The following NPAT variants were observed in gnomAD, a reference collection of about 807,000 sequenced individuals.
The protein encoded by NPAT is protein NPAT.
A neutral mutation model predicts 130.7 loss-of-function variants in NPAT; 52 were observed. The observed-to-expected ratio is 0.40, with a 90% CI of 0.32 to 0.50. The LOEUF is 0.50. Among genes scored for constraint, NPAT ranks in the 20% least tolerant of loss-of-function variants. The pLI, the probability that NPAT is intolerant of heterozygous loss-of-function variation, is 0.68. For synonymous variants in NPAT, 580 were observed against 584.8 expected, an observed-to-expected ratio of 0.99 and a Z score of 0.12; for missense variants, 1,687 against 1,662.6, an observed-to-expected ratio of 1.01 and a Z score of -0.26.
In NPAT at chr11:108,169,799, G is replaced by A. The variant is rs1476891637; in HGVS notation, c.2955C>T (p.Phe985=). 10 of 1,614,030 alleles carry A rather than the reference G, an allele frequency of 6.2e-6. No homozygotes were observed. The highest frequency in any genetic ancestry group is 8.5e-6 in the Non-Finnish European group (10 of 1,179,892). ...APVCNRSIPQ[F]PVPPKSQKAQ... is the part of the protein sequence containing the mutation. ...CCTTCTGAGATTTTGGAGGGACGGG[G>A]AATTGAGGGATACTTCTATTGCATA... Residue 985 remains phenylalanine (F), a synonymous_variant, in exon 15 of 18, where the codon TTC becomes TTT. Coordinates refer to ENST00000278612, the MANE Select transcript of NPAT (RefSeq NM_002519.3).
chr11:108,206,840 C>G (rs1434666979), intron 1 of NPAT, among the ~76,000 whole-genome samples: 1 of 152,218 alleles, frequency 6.6e-6, no homozygotes, highest in Non-Finnish European at 1.5e-5. Flanking sequence ...GACAGAACAG[C>G]CCTCAGGAGA....
rs550137144 is a variant in NPAT, at chr11:108,173,962, C to G, written c.1133-111G>C. 8.7e-5 allele frequency: 79 copies of G among 905,332 alleles called. No individual in the cohort carries two copies. The Middle Eastern group carries it at 1.3e-3, about 15-fold the overall frequency. 56.1% of individuals were successfully genotyped at this position (905,332 alleles called of 1,614,324 possible). A position where few individuals can be genotyped will look rare whatever the true frequency, so the allele number is the denominator to read the frequency against. ...AAGAAAATAACTCATCTTTGCATAC[C>G]AGTAAGTGGAAGTCTGATACGCTGT... is the stretch of plus-strand genomic sequence containing the variant. On this transcript the variant is annotated intron_variant, in intron 12 of 17. Coordinates refer to ENST00000278612, the MANE Select transcript of NPAT (RefSeq NM_002519.3).
chr11:108,189,003 G>A (rs2078136173), intron 6 of NPAT, 103 bp downstream of exon 6: 2 of 888,540 alleles, frequency 2.3e-6, no homozygotes, highest in Non-Finnish European at 3.7e-6. Flanking sequence ...CTTTTATGGG[G>A]GGGGCCATAA....
At chr11:108,201,055 C>T (rs1405386034) in intron 1 of NPAT, among the ~76,000 whole-genome samples, 1 of 152,188 alleles carries the variant, frequency 6.6e-6, no homozygotes, top group Non-Finnish European at 1.5e-5. Flanking sequence ...ATGTAGATGA[C>T]ATTCTCCTTT....
intron 1 of NPAT, among the ~76,000 whole-genome samples, chr11:108,200,789 C>G (rs1374054538): frequency 6.6e-6 from 1 of 152,164 alleles, no homozygotes; most frequent in Non-Finnish European, 1.5e-5. Flanking sequence ...GGCTGTGGTT[C>G]CAATCCATAT....
rs1443620268 is a variant in NPAT, at chr11:108,161,315, A to G, written c.3771T>C (p.Ser1257=). Residue 1257 remains serine, a synonymous_variant, in exon 17 of 18, where the codon AGT becomes AGC. Transcript: ENST00000278612. ...GTAAATCACTACTATCAGCAAGCCT[A>G]CTTACTGAGCTGTGCCTCTGTATAT... is the stretch of plus-strand genomic sequence containing the variant. ...LQDIQRHSSV[S]RLADSSDLPV... is the part of the protein sequence containing the mutation. 6.2e-7 allele frequency: 1 copy of G among 1,614,122 alleles called. No homozygotes were observed. The highest frequency in any genetic ancestry group is 1.1e-5 in the South Asian group (1 of 91,088).
At chr11:108,183,381 C>A (rs2078075534) in intron 10 of NPAT, among the ~76,000 whole-genome samples, 1 of 152,284 alleles carries the variant, frequency 6.6e-6, no homozygotes, top group East Asian at 1.9e-4. Flanking sequence ...AATGGCTTTA[C>A]TCAGAATTCA....
chr11:108,199,681 C>T (rs747502941), intron 1 of NPAT, among the ~76,000 whole-genome samples: 1 of 152,166 alleles, frequency 6.6e-6, no homozygotes, highest in Non-Finnish European at 1.5e-5. Flanking sequence ...CCATCACCCT[C>T]GGGTACTGGG....
At chr11:108,209,527 G>A (rs995810961) in intron 1 of NPAT, among the ~76,000 whole-genome samples, 2 of 152,084 alleles carry the variant, frequency 1.3e-5, no homozygotes, top group African/African-American at 4.8e-5. Context: ...ACTCTAGCAT[G>A]GGCAACAGAC....
rs762699683 is a variant in NPAT at position 108,161,902 on chromosome 11, G to A, written c.3184C>T (p.Arg1062Cys). The stretch of plus-strand genomic sequence containing the variant: ...GTAGTGCTGTCGAAACAGAGTACAC[G>A]TCTGTGGCATGGTTTAGCAGCTGGA... ...IVPAAKPCHR[R>C]VLCFDSTTAP... Residue 1062 changes from arginine to cysteine, a missense_variant, in exon 17 of 18, where the codon CGT (arginine) becomes TGT (cysteine). Coordinates refer to ENST00000278612, the MANE Select transcript of NPAT (RefSeq NM_002519.3). 83 of 1,612,780 alleles carry A rather than the reference G, an allele frequency of 5.1e-5. No homozygotes were observed. The highest frequency in any genetic ancestry group is 6.6e-5 in the Non-Finnish European group (78 of 1,179,318).
chr11:108,203,135 T>A (rs1434665984), intron 1 of NPAT, among the ~76,000 whole-genome samples: 2 of 152,212 alleles, frequency 1.3e-5, no homozygotes, highest in African/African-American at 2.4e-5. Flanking sequence ...CCCTACTACA[T>A]GTCAGAAACA....
At chr11:108,201,653 T>G (rs1253245511) in intron 1 of NPAT, among the ~76,000 whole-genome samples, 1 of 152,214 alleles carries the variant, frequency 6.6e-6, no homozygotes, top group African/African-American at 2.4e-5. Flanking sequence ...CAGAGGCCAC[T>G]AAGGTGACCA....
intron 1 of NPAT, among the ~76,000 whole-genome samples, chr11:108,212,714 G>A (rs1388911011): frequency 1.3e-5 from 2 of 151,698 alleles, no homozygotes; most frequent in Admixed American, 1.3e-4. Context: ...GGAGGCCAAG[G>A]CAGGCAGATT....
rs1391187579 is a variant in NPAT, at chr11:108,161,308, C to G, written c.3778G>C (p.Ala1260Pro). The G allele has an allele frequency of 6.2e-7, 1 of 1,614,164 alleles. No individual in the cohort carries two copies. Among genetic ancestry groups the G allele is most frequent in the South Asian group, 1.1e-5 (1 of 91,088 alleles). Residue 1260 changes from alanine to proline, a missense_variant, in exon 17 of 18, where the codon GCT becomes CCT. Physicochemically the swap from Ala to Pro is conservative, Grantham distance 27. Around this residue, in one of 3 missense-constraint regions of NPAT, gnomAD observed 1,379 missense variants for 1,346.6 expected, o/e 1.02. Coordinates refer to ENST00000278612, the MANE Select transcript of NPAT (RefSeq NM_002519.3). The part of the protein sequence containing the change: ...IQRHSSVSRL[A>P]DSSDLPVPRT... ...GGCACAGGTAAATCACTACTATCAG[C>G]AAGCCTACTTACTGAGCTGTGCCTC...
chr11:108,169,637 C>G (rs1300320098), intron 15 of NPAT, 107 bp downstream of exon 15: 1 of 832,684 alleles, frequency 1.2e-6, no homozygotes. Context: ...AGGGTGATCA[C>G]TTGTTTTAAA....
rs2078124134 is a variant in NPAT, at chr11:108,187,992, ATAATCTGGTCC to A, written c.638+95_638+105del. 5.0e-6 allele frequency: 4 copies of A among 803,896 alleles called. No homozygotes were observed. The African/African-American group carries it at 5.2e-5, about 10-fold the overall frequency. The allele number at this position is 803,896 out of a possible 1,614,324, so 49.8% of individuals were successfully genotyped here. The stretch of plus-strand genomic sequence containing the variant: ...GAATAGTTCTAATATAGATCAGAAC[ATAATCTGGTCC>A]TATTAGTTTATTCACAATGTAAGTA... On this transcript the variant is annotated intron_variant, in intron 7 of 17. Coordinates refer to ENST00000278612, the MANE Select transcript of NPAT (RefSeq NM_002519.3).
At chr11:108,160,368 T>G (rs572199050) in intron 17 of NPAT, among the ~76,000 whole-genome samples, 8 of 152,024 alleles carry the variant, frequency 5.3e-5, no homozygotes, top group African/African-American at 1.9e-4. Flanking sequence ...TCCACTGCTC[T>G]AATATGCTAA....
At chr11:108,179,728 G>A (rs917747227) in intron 10 of NPAT, among the ~76,000 whole-genome samples, 8 of 151,926 alleles carry the variant, frequency 5.3e-5, no homozygotes, top group African/African-American at 9.7e-5. Flanking sequence ...GCAGGAGGAT[G>A]GCTTGAGTCC....
intron 1 of NPAT, among the ~76,000 whole-genome samples, chr11:108,207,013 T>G (rs1274385822): frequency 6.6e-6 from 1 of 152,102 alleles, no homozygotes; most frequent in Non-Finnish European, 1.5e-5. Context: ...AGACCCACAG[T>G]GGGTAGCTCC....
Sources: allele counts gnomAD v4.1 joint callset (sites outside exome capture counted in the v4.1 genomes callset), GRCh38; gene constraint gnomAD v4.1.1; regional missense constraint gnomAD v4.1.1; transcripts MANE v1.5; gene names NCBI Gene and HGNC (gene_info 2026-07-23, HGNC 2026-07-21).